SLC39A11: variants seen among roughly 807,000 people sequenced by gnomAD.
SLC39A11 encodes solute carrier family 39 member 11.
Under a neutral mutation model 36.1 loss-of-function variants are expected in SLC39A11, and 33 were observed. That is an observed-to-expected ratio of 0.91 (90% CI 0.69 to 1.22). The LOEUF (loss-of-function observed/expected upper bound fraction) is 1.22, where lower values mean the gene tolerates loss of function less well. SLC39A11 is among the 50% of genes most tolerant of loss of function. SLC39A11 has a pLI of 0.00. For missense variants in SLC39A11, 432 were observed against 430.3 expected (o/e 1.00, Z -0.03); for synonymous variants, 166 against 170.3 (o/e 0.97, Z 0.20).
At chr17:72,819,281 CAG>C (rs989570691) in intron 6 of SLC39A11, among the ~76,000 whole-genome samples, 1 of 151,212 alleles carries the variant, frequency 6.6e-6, no homozygotes, top group Non-Finnish European at 1.5e-5. Flanking sequence ...CGTCAAGAGA[CAG>C]AGGGAGAAGA....
At chr17:72,685,408 GAGGAAAGA>G (rs1298031602) in intron 7 of SLC39A11, among the ~76,000 whole-genome samples, 3 of 152,282 alleles carry the variant, frequency 2.0e-5, no homozygotes, top group African/African-American at 7.2e-5. Context: ...TTTCTGTGCA[GAGGAAAGA>G]ACAAGAACGA....
At chr17:72,933,127 T>G (rs967968434) in intron 5 of SLC39A11, among the ~76,000 whole-genome samples, 25 of 152,092 alleles carry the variant, frequency 1.6e-4, no homozygotes, top group Non-Finnish European at 2.9e-4. Context: ...AGCATACAGA[T>G]TGAAAGGAAG....
intron 6 of SLC39A11, among the ~76,000 whole-genome samples, chr17:72,842,971 G>C (rs1213641855): frequency 1.3e-5 from 2 of 152,098 alleles, no homozygotes; most frequent in Non-Finnish European, 2.9e-5. Context: ...TTTTTTCTGA[G>C]ATGGAGTCTT....
intron 5 of SLC39A11, among the ~76,000 whole-genome samples, chr17:72,911,602 G>T (rs67257465): frequency 3.3e-5 from 5 of 151,598 alleles, no homozygotes; most frequent in Non-Finnish European, 7.4e-5. Flanking sequence ...CTTCCTAGGA[G>T]AGGCAGTCTG....
At position 73,038,704 on chromosome 17, in the gene SLC39A11, TGAAAAA is replaced by T. The variant is rs1426824956; in HGVS notation, c.148-6996_148-6991del. On this transcript the variant is annotated intron_variant, in intron 3 of 9. Transcript: ENST00000255559. ...CCTGGGCGACAGAGCAATACTCTGT[TGAAAAA>T]GAAAAAGAGAAAGAGAGAGAGAGAG... 5.8e-5 allele frequency among the ~76,000 whole-genome samples: 8 copies of T among 137,900 alleles called. No individual in the cohort carries two copies. In the Admixed American group the frequency reaches 6.3e-4, roughly 11 times the overall value. 90.5% of individuals were successfully genotyped at this position (137,900 alleles called of 152,430 possible).
intron 6 of SLC39A11, among the ~76,000 whole-genome samples, chr17:72,777,869 A>G (rs202178867): frequency 3.5e-4 from 53 of 150,062 alleles, no homozygotes; most frequent in African/African-American, 1.0e-3. Context: ...ATGTATGTAT[A>G]TATGTATGTA....
intron 5 of SLC39A11, among the ~76,000 whole-genome samples, chr17:72,903,271 GAA>G (rs11450652): frequency 2.6e-5 from 3 of 113,328 alleles, no homozygotes; most frequent in Non-Finnish European, 1.9e-5. Context: ...GTCTCGAAAA[GAA>G]AAAAAAAAAA....
chr17:72,667,621 C>T (rs187761238), intron 7 of SLC39A11, among the ~76,000 whole-genome samples: 3 of 152,114 alleles, frequency 2.0e-5, no homozygotes, highest in African/African-American at 7.2e-5. Context: ...CATATGCTAC[C>T]AATGCTATGA....
At chr17:72,767,607 G>A (rs1410250688) in intron 6 of SLC39A11, among the ~76,000 whole-genome samples, 1 of 152,244 alleles carries the variant, frequency 6.6e-6, no homozygotes. Context: ...TTGGTCAGCA[G>A]AGCTTCACAC....
chr17:72,830,429 T>A (rs1314024787), intron 6 of SLC39A11, among the ~76,000 whole-genome samples: 1 of 152,160 alleles, frequency 6.6e-6, no homozygotes, highest in African/African-American at 2.4e-5. Context: ...CGGCTGTGTC[T>A]TGGATAACAC....
intron 3 of SLC39A11, among the ~76,000 whole-genome samples, chr17:73,034,828 C>T (rs1165120543): frequency 6.6e-6 from 1 of 152,190 alleles, no homozygotes; most frequent in Non-Finnish European, 1.5e-5. Context: ...GAGAAGCACA[C>T]AATCCACAAG....
intron 7 of SLC39A11, among the ~76,000 whole-genome samples, chr17:72,714,482 G>A (rs1447510727): frequency 2.0e-5 from 3 of 152,166 alleles, no homozygotes; most frequent in African/African-American, 7.2e-5. Context: ...AAAAAGGAAG[G>A]AAGCAGGTAA....
intron 4 of SLC39A11, among the ~76,000 whole-genome samples, chr17:73,009,485 T>C (rs1165467741): frequency 1.3e-5 from 2 of 151,928 alleles, no homozygotes; most frequent in East Asian, 1.9e-4. Flanking sequence ...TCCAGTAATA[T>C]GAAATGTCCA....
chr17:73,088,547 G>A, intron 2 of SLC39A11, 110 bp downstream of exon 2: 1 of 775,350 alleles, frequency 1.3e-6, no homozygotes, highest in South Asian at 1.5e-5. Flanking sequence ...ATGCCTGGGG[G>A]TGTGGCCAGG....
chr17:72,736,712 G>A lies in SLC39A11; in HGVS notation c.609C>T (p.Leu203=), dbSNP rs780569753. 2.2e-5 allele frequency: 36 copies of A among 1,613,616 alleles called. No homozygotes were observed. The highest frequency in any genetic ancestry group is 1.1e-5 in the South Asian group (1 of 91,070). ...AITIHNVPEG[L]AVGVGFGAIE... is the part of the protein sequence containing the mutation. ...TAGCCCCAAATCCAACTCCAACAGCGAGACCCTCTGAAATAGATGTAAGAA... is the reference window on the plus strand; with the variant it reads ...TAGCCCCAAATCCAACTCCAACAGCAAGACCCTCTGAAATAGATGTAAGAA... Residue 203 remains leucine, a synonymous_variant, in exon 7 of 10, where the codon CTC becomes CTT. Transcript: ENST00000255559.
chr17:72,999,595 C>G (rs951358679), intron 4 of SLC39A11, among the ~76,000 whole-genome samples: 1 of 152,232 alleles, frequency 6.6e-6, no homozygotes. Flanking sequence ...AGGAGTAATC[C>G]CTAGCAGTTT....
intron 3 of SLC39A11, among the ~76,000 whole-genome samples, chr17:73,059,249 A>C (rs2059764306): frequency 6.6e-6 from 1 of 152,254 alleles, no homozygotes; most frequent in African/African-American, 2.4e-5. Context: ...ATTTCTAGAA[A>C]TTACAAATGT....
Position 72,907,046 on chromosome 17 carries a change from G to C in SLC39A11, c.430+40706C>G, listed in dbSNP as rs2082691429. ...GAAGAAGGAAAATGGGCTGATTAAA[G>C]TCCCACAATCACCAGAGGAGATAAG... On this transcript the variant is annotated intron_variant, in intron 5 of 9. Transcript: ENST00000255559. Among the ~76,000 whole-genome samples, 3 of 152,204 alleles carry C rather than the reference G, an allele frequency of 2.0e-5. No homozygotes were observed. In the South Asian group the frequency reaches 6.2e-4, roughly 31 times the overall value.
At chr17:72,762,195 T>C (rs2075607685) in intron 6 of SLC39A11, among the ~76,000 whole-genome samples, 2 of 152,018 alleles carry the variant, frequency 1.3e-5, no homozygotes, top group Admixed American at 6.5e-5. Flanking sequence ...AGTCACAGGA[T>C]GAGATAGGAG....
Sources: gnomAD v4.1 joint callset for allele counts (sites outside exome capture counted in the v4.1 genomes callset) on GRCh38, gnomAD v4.1.1 for gene constraint, MANE v1.5 for transcripts, NCBI Gene and HGNC (gene_info 2026-07-23, HGNC 2026-07-21) for gene names.